The following SPMIP9 variants were observed in gnomAD, a reference collection of about 807,000 sequenced individuals.
SPMIP9 encodes the protein sperm microtubule inner protein 9.
chr2:88,526,359 G>T, the SPMIP9 span: 1 of 1,447,170 alleles, frequency 6.9e-7, no homozygotes, highest in Non-Finnish European at 9.7e-7. Context: ...TTTAAGTGGA[G>T]GAGTGACGAG....
At chr2:88,526,454 A>G in the SPMIP9 span, 1 of 1,614,158 alleles carries the variant, frequency 6.2e-7, no homozygotes, top group South Asian at 1.1e-5. Flanking sequence ...GTCGACTATC[A>G]GCCCTACAGG....
the SPMIP9 span, among the ~76,000 whole-genome samples, chr2:88,528,018 G>A: frequency 6.6e-6 from 1 of 152,046 alleles, no homozygotes; most frequent in Non-Finnish European, 1.5e-5. Flanking sequence ...TTCATTTGTC[G>A]ATGGAGATTT....
chr2:88,527,892 T>C, the SPMIP9 span, among the ~76,000 whole-genome samples: 1 of 152,226 alleles, frequency 6.6e-6, no homozygotes, highest in Non-Finnish European at 1.5e-5. Context: ...TGCTCTGCAA[T>C]CTTGCCATTG....
chr2:88,529,422 T>A, the SPMIP9 span: 16 of 1,613,844 alleles, frequency 9.9e-6, no homozygotes, highest in Non-Finnish European at 1.3e-5. Context: ...TGCCATATAG[T>A]CAAGGTCCCC....
chr2:88,525,999 C>T, the SPMIP9 span, among the ~76,000 whole-genome samples: 1 of 151,974 alleles, frequency 6.6e-6, no homozygotes, highest in Admixed American at 6.6e-5. Context: ...CACAGTACAC[C>T]CTGCAAGTGC....
chr2:88,526,679 T>G, the SPMIP9 span, among the ~76,000 whole-genome samples: 1 of 152,104 alleles, frequency 6.6e-6, no homozygotes, highest in Non-Finnish European at 1.5e-5. Context: ...TTTTTTTTCT[T>G]TTTGAGAAGG....
the SPMIP9 span, among the ~76,000 whole-genome samples, chr2:88,528,185 T>G: frequency 6.6e-6 from 1 of 151,212 alleles, no homozygotes; most frequent in Non-Finnish European, 1.5e-5. Flanking sequence ...TTGCCCAGGC[T>G]GCAGTGCAGT....
the SPMIP9 span, chr2:88,526,526 A>T: frequency 6.5e-7 from 1 of 1,530,456 alleles, no homozygotes; most frequent in Non-Finnish European, 9.1e-7. Flanking sequence ...CCTGTCATTC[A>T]ATCAACTGCC....
At chr2:88,529,108 C>T in the SPMIP9 span, 1 of 1,614,144 alleles carries the variant, frequency 6.2e-7, no homozygotes, top group Middle Eastern at 1.6e-4. Context: ...CCATCCCTAA[C>T]CCCAACCCCA....
chr2:88,529,505 C>A, the SPMIP9 span: 1 of 1,570,384 alleles, frequency 6.4e-7, no homozygotes, highest in Non-Finnish European at 8.7e-7. Flanking sequence ...AAAGGCTCTT[C>A]CAAGGGCATG....
chr2:88,526,547 C>CAAA, the SPMIP9 span: 1 of 1,373,254 alleles, frequency 7.3e-7, no homozygotes, highest in Admixed American at 1.7e-5. Flanking sequence ...TACTGAAATC[C>CAAA]TCTCTGTTGC....
At chr2:88,529,460 C>T in the SPMIP9 span, 757 of 1,611,598 alleles carry the variant, frequency 4.7e-4, 1 homozygote, top group Non-Finnish European at 6.2e-4. Flanking sequence ...ACCCTTGATG[C>T]CATTTTACCA....
the SPMIP9 span, chr2:88,526,576 G>A: frequency 8.9e-7 from 1 of 1,128,876 alleles, no homozygotes; most frequent in African/African-American, 1.5e-5. Context: ...TATTACAAAT[G>A]TGGACATTTG....
chr2:88,525,532 C>A, the SPMIP9 span: 1 of 1,246,018 alleles, frequency 8.0e-7, no homozygotes, highest in Non-Finnish European at 1.2e-6. Flanking sequence ...GAGGAGTGGG[C>A]TAAGAAAGCT....
At chr2:88,529,220 G>A in the SPMIP9 span, 2 of 1,614,170 alleles carry the variant, frequency 1.2e-6, no homozygotes, top group Non-Finnish European at 1.7e-6. Flanking sequence ...GGCCACGAGG[G>A]AGGACGAGCG....
the SPMIP9 span, chr2:88,524,897 A>AGT: frequency 6.6e-6 from 1 of 152,440 alleles, no homozygotes; most frequent in Admixed American, 6.5e-5. Context: ...AATGCAGTGG[A>AGT]GTACCCCTTA....
the SPMIP9 span, chr2:88,529,099 C>T: frequency 1.2e-6 from 2 of 1,614,090 alleles, no homozygotes; most frequent in Admixed American, 3.3e-5. Flanking sequence ...TTTACAGGCC[C>T]ATCCCTAACC....
At chr2:88,526,433 G>T in the SPMIP9 span, 4 of 1,614,048 alleles carry the variant, frequency 2.5e-6, no homozygotes, top group Non-Finnish European at 3.4e-6. Context: ...ATATACCAAA[G>T]CTCCCACATG....
the SPMIP9 span, among the ~76,000 whole-genome samples, chr2:88,527,610 C>T: frequency 6.6e-6 from 1 of 152,162 alleles, no homozygotes; most frequent in Non-Finnish European, 1.5e-5. Flanking sequence ...TTTTCTGCTG[C>T]ATAGTATTAC....
Sources: allele counts gnomAD v4.1 joint callset (sites outside exome capture counted in the v4.1 genomes callset), GRCh38; gene constraint gnomAD v4.1.1; transcripts MANE v1.5; gene names NCBI Gene and HGNC (gene_info 2026-07-23, HGNC 2026-07-21).